EXTL3: variants seen among roughly 807,000 people sequenced by gnomAD.
EXTL3 encodes the protein exostosin-like 3.
In EXTL3, 27 loss-of-function variants were observed where a neutral mutation model predicts 69.3. The observed-to-expected ratio is 0.39, with a 90% CI of 0.29 to 0.54. EXTL3 has a LOEUF of 0.54. Among genes scored for constraint, EXTL3 ranks in the 20% least tolerant of loss-of-function variants. EXTL3 has a pLI of 0.69. For synonymous variants in EXTL3, 511 were observed against 499.4 expected (o/e 1.02, Z -0.31); for missense variants, 1,003 against 1,231.8 (o/e 0.81, Z 2.78).
chr8:28,640,218 TG>T (rs1248603159), intron 1 of EXTL3, among the ~76,000 whole-genome samples: 1 of 152,258 alleles, frequency 6.6e-6, no homozygotes, highest in East Asian at 1.9e-4. Flanking sequence ...AATATGTATT[TG>T]TTGACTTGTA....
chr8:28,617,276 C>T (rs1182280466), intron 2 of EXTL3, among the ~76,000 whole-genome samples: 1 of 151,994 alleles, frequency 6.6e-6, no homozygotes, highest in Non-Finnish European at 1.5e-5. Context: ...GGGGATGGCC[C>T]GTGACTAGGG....
chr8:28,739,916 C>T lies in EXTL3; in HGVS notation c.2421+2253C>T, dbSNP rs370029643. 2.6e-5 allele frequency: 4 copies of T among 152,324 alleles called. No homozygotes were observed. In the East Asian group the frequency reaches 5.8e-4, roughly 22 times the overall value. 9.4% of individuals were successfully genotyped at this position (152,324 alleles called of 1,614,324 possible). ...AGGATGTACTTATCTTCTGAATTGCCTTCCCAGATTCAGACTGTTCTTTAA... is the reference window on the plus strand; with the variant it reads ...AGGATGTACTTATCTTCTGAATTGCTTTCCCAGATTCAGACTGTTCTTTAA... On this transcript the variant is annotated intron_variant, in intron 5 of 6. Coordinates refer to ENST00000220562, the MANE Select transcript of EXTL3 (RefSeq NM_001440.4).
chr8:28,611,742 T>G lies in EXTL3; in HGVS notation n.314+3984T>G, dbSNP rs79745710. Among the ~76,000 whole-genome samples the G allele has an allele frequency of 6.9e-3, 1,044 of 152,322 alleles. 11 individuals are homozygous for G. The highest frequency in any genetic ancestry group is 0.024 in the African/African-American group (1,017 of 41,572). On this transcript the variant is annotated intron_variant and non_coding_transcript_variant, in intron 2 of 4. Coordinates refer to the EXTL3 transcript ENST00000522725. Reference sequence around the variant, plus strand: ...AGCCACTTTGCTCCCTTGCCCACAGTGCCTTCCTTTCCTTAGCTCTGGGAA... The same window carrying G: ...AGCCACTTTGCTCCCTTGCCCACAGGGCCTTCCTTTCCTTAGCTCTGGGAA...
chr8:28,742,827 T>G (rs1304521756), intron 5 of EXTL3: 1 of 455,204 alleles, frequency 2.2e-6, no homozygotes, highest in African/African-American at 2.0e-5. Flanking sequence ...GATTTCAAAA[T>G]CACTGCGGTA....
chr8:28,633,192 G>T (rs1354711067), intron 1 of EXTL3, among the ~76,000 whole-genome samples: 1 of 151,938 alleles, frequency 6.6e-6, no homozygotes, highest in Non-Finnish European at 1.5e-5. Context: ...TTAAAAATTA[G>T]GCAGGTGTGT....
intron 1 of EXTL3, among the ~76,000 whole-genome samples, chr8:28,706,890 A>G (rs945099642): frequency 6.6e-6 from 1 of 152,148 alleles, no homozygotes; most frequent in Admixed American, 6.5e-5. Flanking sequence ...TATATAGTCA[A>G]ACCTGTTGAA....
chr8:28,625,101 T>G (rs1369443740), intron 1 of EXTL3, among the ~76,000 whole-genome samples: 1 of 152,204 alleles, frequency 6.6e-6, no homozygotes, highest in Non-Finnish European at 1.5e-5. Flanking sequence ...GACCGGCACT[T>G]AGAGGAGTTA....
At chr8:28,673,043 C>T (rs949463007) in intron 1 of EXTL3, among the ~76,000 whole-genome samples, 17 of 152,232 alleles carry the variant, frequency 1.1e-4, no homozygotes, top group Non-Finnish European at 2.2e-4. Flanking sequence ...TGTGAGGCCT[C>T]CTCAGCCACA....
chr8:28,627,659 T>G (rs1306928315), intron 1 of EXTL3, among the ~76,000 whole-genome samples: 1 of 152,160 alleles, frequency 6.6e-6, no homozygotes, highest in Non-Finnish European at 1.5e-5. Flanking sequence ...GCAAAGTTCT[T>G]TACAGTAGCC....
intron 1 of EXTL3, among the ~76,000 whole-genome samples, chr8:28,633,932 T>C (rs184871340): frequency 3.3e-5 from 5 of 152,244 alleles, no homozygotes; most frequent in Non-Finnish European, 7.4e-5. Flanking sequence ...CCGACCTCTG[T>C]GTTAGCAAGA....
chr8:28,746,851 T>A (rs893831065), intron 6 of EXTL3, among the ~76,000 whole-genome samples: 3 of 152,146 alleles, frequency 2.0e-5, no homozygotes, highest in Non-Finnish European at 4.4e-5. Context: ...AATTTTTATA[T>A]TTTTAGTAGA....
intron 6 of EXTL3, among the ~76,000 whole-genome samples, chr8:28,748,735 A>G (rs942179406): frequency 2.0e-5 from 3 of 152,170 alleles, no homozygotes; most frequent in Non-Finnish European, 4.4e-5. Flanking sequence ...TGACTCTGAC[A>G]GGTTGTTGGG....
chr8:28,713,351 A>C (rs1801070560), intron 1 of EXTL3, 106 bp from the exon 2 acceptor site: 3 of 589,830 alleles, frequency 5.1e-6, no homozygotes, highest in South Asian at 4.3e-5. Flanking sequence ...AAATCTTTTC[A>C]TAGGGGACAG....
upstream of EXTL3, chr8:28,697,868 TAAACAAC>T (rs1486631659): frequency 6.6e-6 from 1 of 152,100 alleles, no homozygotes; most frequent in Non-Finnish European, 1.5e-5. Flanking sequence ...ACATGACTGT[TAAACAAC>T]AAATGCAAAA....
chr8:28,700,851 T>C (rs1205730287), upstream of EXTL3: 1 of 152,234 alleles, frequency 6.6e-6, no homozygotes, highest in Non-Finnish European at 1.5e-5. Flanking sequence ...AGTCACGTGT[T>C]CCTTGGGACT....
At chr8:28,657,521 G>C (rs529449702) in intron 1 of EXTL3, among the ~76,000 whole-genome samples, 1 of 152,222 alleles carries the variant, frequency 6.6e-6, no homozygotes, top group Non-Finnish European at 1.5e-5. Flanking sequence ...ATTTTGTTTA[G>C]AGCTGTAACA....
Position 28,659,983 on chromosome 8 carries a change from A to G in EXTL3, c.-53+37173A>G, listed in dbSNP as rs903558597. On this transcript the variant is annotated intron_variant, in intron 1 of 6. Transcript: ENST00000523149. ...ATGCCCCCTCGCATGTTGACAATCT[A>G]CATGCAACATTTTACTATACGTTTA... Among the ~76,000 whole-genome samples the G allele has an allele frequency of 2.6e-5, 4 of 152,334 alleles. No individual in the cohort carries two copies. The South Asian group carries it at 8.3e-4, about 32-fold the overall frequency.
intron 1 of EXTL3, among the ~76,000 whole-genome samples, chr8:28,686,531 G>A (rs1343385891): frequency 1.3e-5 from 2 of 152,080 alleles, no homozygotes; most frequent in African/African-American, 4.8e-5. Flanking sequence ...AAAAGCCAAT[G>A]TTTTGGAGTA....
upstream of EXTL3, among the ~76,000 whole-genome samples, chr8:28,620,461 A>G (rs1245773444): frequency 3.9e-5 from 6 of 152,156 alleles, 1 homozygote; most frequent in South Asian, 8.3e-4. Flanking sequence ...GCTGTTTCCC[A>G]TAACTGCCAA....
Sources: allele counts gnomAD v4.1 joint callset (sites outside exome capture counted in the v4.1 genomes callset), GRCh38; gene constraint gnomAD v4.1.1; transcripts MANE v1.5; gene names NCBI Gene and HGNC (gene_info 2026-07-23, HGNC 2026-07-21).